Variants in TADA2A observed in about 807,000 individuals in gnomAD.
TADA2A encodes the protein transcriptional adaptor 2A, also known as transcriptional adapter 2-alpha.
Under a neutral mutation model 67.4 loss-of-function variants are expected in TADA2A, and 38 were observed. That is an observed-to-expected ratio of 0.56 (90% CI 0.44 to 0.74). The LOEUF is 0.74. Ranked by LOEUF, TADA2A falls within the 30% of genes least tolerant of loss-of-function variation. The pLI is 0.00. For synonymous variants in TADA2A, 192 were observed against 181.6 expected (o/e 1.06, Z -0.46); for missense variants, 454 against 547.0 (o/e 0.83, Z 1.70).
chr17:37,467,170 ATTG>A (rs2053682557), intron 11 of TADA2A, among the ~76,000 whole-genome samples: 1 of 152,072 alleles, frequency 6.6e-6, no homozygotes, highest in African/African-American at 2.4e-5. Context: ...GAAAAAAAAA[ATTG>A]TTACTTTTGT....
chr17:37,450,132 C>T lies in TADA2A; in HGVS notation c.604+5364C>T, dbSNP rs559855679. Among the ~76,000 whole-genome samples the T allele has an allele frequency of 1.4e-4, 22 of 152,262 alleles. No homozygotes were observed. The South Asian group carries it at 2.1e-3, about 14-fold the overall frequency. ...TAAAAAAGTTTACGAATTTGTATTG[C>T]GCTGCATTCAAAGCCGTCCTGGGCT... On this transcript the variant is annotated intron_variant, in intron 8 of 15. Transcript: ENST00000615182.
chr17:37,477,679 G>A lies in TADA2A; in HGVS notation c.*697G>A, dbSNP rs1456118817. Reference sequence around the variant, plus strand: ...GGGTTTTGTCATGTTGGCCAGGCTGGTCACAAACTCCTGACCTCAGGTGAT... The same window carrying A: ...GGGTTTTGTCATGTTGGCCAGGCTGATCACAAACTCCTGACCTCAGGTGAT... On this transcript the variant is annotated 3_prime_UTR_variant, in exon 16 of 16. Transcript: ENST00000615182. The A allele has an allele frequency of 6.6e-6, 1 of 151,880 alleles. No homozygotes were observed. Among genetic ancestry groups the A allele is most frequent in the East Asian group, 2.0e-4 (1 of 5,096 alleles). 9.4% of individuals were successfully genotyped at this position (151,880 alleles called of 1,614,324 possible).
intron 7 of TADA2A, among the ~76,000 whole-genome samples, chr17:37,443,765 T>G (rs1442167441): frequency 6.6e-6 from 1 of 152,216 alleles, no homozygotes; most frequent in South Asian, 2.1e-4. Flanking sequence ...AGTAAAACTT[T>G]ATGTACAAAA....
rs1568155034 is a variant in TADA2A, at chr17:37,439,930, ATTTATTTAT to A, written c.285-572_285-564del. ...TCTTTATTTATTTATTTATTTATTT[ATTTATTTAT>A]TTATTATTTTTTTTTTTTTTTGAGA... On this transcript the variant is annotated intron_variant, in intron 5 of 15. Transcript: ENST00000615182. Among the ~76,000 whole-genome samples the A allele has an allele frequency of 1.3e-4, 14 of 111,500 alleles. No individual in the cohort carries two copies. The East Asian group carries it at 3.5e-3, about 28-fold the overall frequency. 73.1% of individuals were successfully genotyped at this position (111,500 alleles called of 152,430 possible). A position where few individuals can be genotyped will look rare whatever the true frequency, so the allele number is the denominator to read the frequency against.
intron 2 of TADA2A, among the ~76,000 whole-genome samples, chr17:37,422,498 T>TTATTA (rs1555681190): frequency 1.2e-4 from 18 of 144,962 alleles, no homozygotes; most frequent in African/African-American, 4.3e-4. Context: ...ATTATTATTA[T>TTATTA]TATTATTATT....
At chr17:37,437,673 C>T (rs2052773306) in intron 4 of TADA2A, 65 bp from the exon 5 acceptor site, 1 of 1,450,530 alleles carries the variant, frequency 6.9e-7, no homozygotes, top group African/African-American at 1.4e-5. Flanking sequence ...AGGCGTGAGC[C>T]ACCGTGCCTG....
At chr17:37,434,670 C>T (rs879638097) in intron 4 of TADA2A, among the ~76,000 whole-genome samples, 3 of 152,164 alleles carry the variant, frequency 2.0e-5, no homozygotes, top group Non-Finnish European at 1.5e-5. Context: ...TTAATTCTAT[C>T]ACTCATTTTA....
intron 14 of TADA2A, among the ~76,000 whole-genome samples, chr17:37,472,998 A>G (rs1208487572): frequency 6.6e-6 from 1 of 151,978 alleles, no homozygotes; most frequent in African/African-American, 2.4e-5. Context: ...GTCTCCCTCT[A>G]CTATCCAGGC....
intron 4 of TADA2A, among the ~76,000 whole-genome samples, chr17:37,432,554 A>G (rs1356720090): frequency 6.6e-6 from 1 of 152,262 alleles, no homozygotes; most frequent in Non-Finnish European, 1.5e-5. Flanking sequence ...ACTGAGTAAT[A>G]TTCTGTTGTA....
chr17:37,449,316 C>T (rs545204375), intron 8 of TADA2A, among the ~76,000 whole-genome samples: 4 of 152,254 alleles, frequency 2.6e-5, no homozygotes, highest in South Asian at 4.2e-4. Flanking sequence ...CCACCGTGCC[C>T]GGCCTGATTT....
intron 5 of TADA2A, among the ~76,000 whole-genome samples, chr17:37,439,055 C>T (rs1267578708): frequency 1.3e-5 from 2 of 152,064 alleles, no homozygotes; most frequent in Non-Finnish European, 2.9e-5. Flanking sequence ...GAAAAAGAGA[C>T]CTTGAGGAAA....
intron 9 of TADA2A, 36 bp from the exon 10 acceptor site, chr17:37,462,038 ATAAT>A: frequency 6.9e-7 from 1 of 1,454,966 alleles, no homozygotes; most frequent in Non-Finnish European, 9.5e-7. Flanking sequence ...AAATGTGAAA[ATAAT>A]TCTAATGCAC....
intron 11 of TADA2A, 98 bp downstream of exon 11, chr17:37,465,639 A>G (rs1363018435): frequency 2.6e-6 from 4 of 1,543,180 alleles, no homozygotes; most frequent in Non-Finnish European, 2.6e-6. Flanking sequence ...ATAAATAAAT[A>G]AATGGATATT....
At chr17:37,435,280 T>A (rs1475484909) in intron 4 of TADA2A, among the ~76,000 whole-genome samples, 6 of 152,138 alleles carry the variant, frequency 3.9e-5, no homozygotes, top group Non-Finnish European at 8.8e-5. Flanking sequence ...GTTTGTTTGT[T>A]TTCTGTTTGT....
At chr17:37,464,132 A>G (rs1237059828) in intron 10 of TADA2A, among the ~76,000 whole-genome samples, 1 of 152,214 alleles carries the variant, frequency 6.6e-6, no homozygotes, top group Non-Finnish European at 1.5e-5. Flanking sequence ...TTTACTCTCC[A>G]TCTTCTTTGC....
rs1368065155 is a variant in TADA2A, at chr17:37,478,303, A to T, written c.*1321A>T. On this transcript the variant is annotated 3_prime_UTR_variant, in exon 16 of 16. Transcript: ENST00000615182. ...TGTCAAATATTCTGGTAACTGAAAC[A>T]CACTTAAGGTGTTGGATGCCTGCCC... is the stretch of plus-strand genomic sequence containing the variant. 3 of 152,142 alleles carry T rather than the reference A, an allele frequency of 2.0e-5. No individual in the cohort carries two copies. Among genetic ancestry groups the T allele is most frequent in the Non-Finnish European group, 4.4e-5 (3 of 68,030 alleles). The allele number at this position is 152,142 out of a possible 1,614,324, so 9.4% of individuals were successfully genotyped here. A position where few individuals can be genotyped will look rare whatever the true frequency, so the allele number is the denominator to read the frequency against.
chr17:37,444,789 A>G (rs776004219), intron 8 of TADA2A, 21 bp downstream of exon 8: 7 of 1,609,818 alleles, frequency 4.3e-6, no homozygotes, highest in Non-Finnish European at 4.3e-6. Flanking sequence ...ATTTTGTCAA[A>G]TGTTTATCGA....
At chr17:37,447,460 T>A (rs111325012) in intron 8 of TADA2A, among the ~76,000 whole-genome samples, 1,561 of 152,236 alleles carry the variant, frequency 0.01, 37 homozygotes, top group African/African-American at 0.036. Context: ...CGGCCCTAAA[T>A]GAATGCTTTT....
At chr17:37,440,412 G>A (rs2052878359) in intron 5 of TADA2A, 93 bp from the exon 6 acceptor site, 1 of 1,395,330 alleles carries the variant, frequency 7.2e-7, no homozygotes, top group African/African-American at 1.4e-5. Context: ...ATATTATATG[G>A]ATGTGACTTA....
Sources: allele counts gnomAD v4.1 joint callset (sites outside exome capture counted in the v4.1 genomes callset), GRCh38; gene constraint gnomAD v4.1.1; transcripts MANE v1.5; gene names NCBI Gene and HGNC (gene_info 2026-07-23, HGNC 2026-07-21).